The following ZNF175 variants were observed in gnomAD, a reference collection of about 807,000 sequenced individuals.
ZNF175 encodes the protein zinc finger protein OTK18.
ZNF175 carries 8 observed loss-of-function variants against 14.0 expected under a neutral mutation model. The observed-to-expected ratio is 0.57, with a 90% CI of 0.34 to 1.03. The LOEUF (loss-of-function observed/expected upper bound fraction) is 1.03. ZNF175 is among the 50% of genes least tolerant of loss of function. The probability of loss-of-function intolerance (pLI) is 0.03; values close to 1 mark genes in which losing one functional copy is unlikely to be tolerated. For synonymous variants in ZNF175, 255 were observed against 296.8 expected (o/e 0.86, Z 1.45); for missense variants, 764 against 849.5 (o/e 0.90, Z 1.25).
chr19:51,587,273 A>C lies in ZNF175; in HGVS notation c.942A>C (p.Lys314Asn). 6.2e-7 allele frequency: 1 copy of C among 1,614,176 alleles called. No homozygotes were observed. Residue 314 changes from lysine to asparagine, a missense_variant, in exon 5 of 5, where the codon AAA becomes AAC. Lys to Asn is a moderately conservative substitution (Grantham distance 94, BLOSUM62 0). Coordinates refer to ENST00000262259, the MANE Select transcript of ZNF175 (RefSeq NM_007147.4). ...GNLHECGKCG[K>N]AFMPQLKLSV... ...TCCATGAATGTGGCAAATGTGGAAA[A>C]GCCTTCATGCCACAACTAAAACTCA...
intron 4 of ZNF175, among the ~76,000 whole-genome samples, chr19:51,585,644 A>G (rs113646055): frequency 1.3e-5 from 2 of 152,330 alleles, no homozygotes; most frequent in African/African-American, 4.8e-5. Flanking sequence ...AATCTGGTAG[A>G]AAAAGTAATA....
At chr19:51,580,094 G>C (rs1424559519) in intron 2 of ZNF175, among the ~76,000 whole-genome samples, 1 of 151,892 alleles carries the variant, frequency 6.6e-6, no homozygotes, top group African/African-American at 2.4e-5. Context: ...GATTTTATCT[G>C]TCTTTTAAAC....
intron 4 of ZNF175, among the ~76,000 whole-genome samples, chr19:51,582,540 G>T (rs1982042972): frequency 6.6e-6 from 1 of 152,130 alleles, no homozygotes; most frequent in Admixed American, 6.5e-5. Flanking sequence ...CTTGTGATCT[G>T]CCCACCTCGG....
At position 51,588,567 on chromosome 19, in the gene ZNF175, T is replaced by C; in HGVS notation, c.*100T>C. 7.4e-7 allele frequency: 1 copy of C among 1,346,424 alleles called. No individual in the cohort carries two copies. The highest frequency in any genetic ancestry group is 9.8e-7 in the Non-Finnish European group (1 of 1,018,142). 83.4% of individuals were successfully genotyped at this position (1,346,424 alleles called of 1,614,324 possible). On this transcript the variant is annotated 3_prime_UTR_variant, in exon 5 of 5. Coordinates refer to ENST00000262259, the MANE Select transcript of ZNF175 (RefSeq NM_007147.4). The stretch of plus-strand genomic sequence containing the variant: ...TCAGGTCTAATTATATGTTATTGAA[T>C]TCATGCTTCAGAAAAACTCTAGGGA...
At chr19:51,586,168 G>C (rs546794473) in intron 4 of ZNF175, among the ~76,000 whole-genome samples, 3 of 152,310 alleles carry the variant, frequency 2.0e-5, no homozygotes, top group African/African-American at 7.2e-5. Context: ...CCTCCTTCAA[G>C]CCTTGGCTGC....
intron 2 of ZNF175, among the ~76,000 whole-genome samples, chr19:51,580,670 C>G (rs1981965588): frequency 6.6e-6 from 1 of 152,082 alleles, no homozygotes; most frequent in African/African-American, 2.4e-5. Flanking sequence ...AGGCACCAGC[C>G]CACTTCTTTG....
At chr19:51,581,578 C>T (rs953653233) in intron 3 of ZNF175, 61 bp downstream of exon 3, 9 of 1,573,030 alleles carry the variant, frequency 5.7e-6, no homozygotes, top group Middle Eastern at 1.7e-4. Context: ...CCTTCCTCCT[C>T]ATTGCAGAAC....
chr19:51,591,814 TCTGGAGTGCAGTGG>T lies in ZNF175; in HGVS notation c.*3349_*3362del, dbSNP rs1472017545. On this transcript the variant is annotated 3_prime_UTR_variant, in exon 5 of 5. Transcript: ENST00000262259. Reference sequence around the variant, plus strand: ...TGGAGTCTCGCTCTGTCGCCCAGGCTCTGGAGTGCAGTGGCACGATCTCAGCTCACTGCAAGCTC... The same window carrying T: ...TGGAGTCTCGCTCTGTCGCCCAGGCTCACGATCTCAGCTCACTGCAAGCTC... 5.4e-5 allele frequency: 8 copies of T among 147,292 alleles called. No individual in the cohort carries two copies. The highest frequency in any genetic ancestry group is 2.1e-4 in the African/African-American group (8 of 38,898). 9.1% of individuals were successfully genotyped at this position (147,292 alleles called of 1,614,324 possible).
intron 2 of ZNF175, among the ~76,000 whole-genome samples, chr19:51,577,882 C>A (rs978536856): frequency 6.6e-6 from 1 of 151,294 alleles, no homozygotes; most frequent in Admixed American, 6.6e-5. Context: ...CCAGGATGGT[C>A]TCAATCTCCT....
rs1177584959 is a variant in ZNF175 at position 51,581,832 on chromosome 19, A to T, written c.245A>T (p.Glu82Val). ...NPEVIFRMLKEKEPRVEEAEV... is the reference protein window; with the variant it reads ...NPEVIFRMLKVKEPRVEEAEV... ...GAGGTCATCTTCAGAATGCTAAAAG[A>T]AAAGGAGCCGCGTGTGGAGGAGGCT... The change falls in exon 4 of 5, where the codon GAA becomes GTA. Residue 82 changes from glutamate (E) to valine (V), a missense_variant. By Grantham distance (121) the Glu-to-Val change is moderately radical. Coordinates refer to ENST00000262259, the MANE Select transcript of ZNF175 (RefSeq NM_007147.4). 12 of 1,613,994 alleles carry T rather than the reference A, an allele frequency of 7.4e-6. No homozygotes were observed. In the East Asian group the frequency reaches 2.7e-4, roughly 36 times the overall value.
chr19:51,583,746 C>T (rs1202612348), intron 4 of ZNF175, among the ~76,000 whole-genome samples: 1 of 152,192 alleles, frequency 6.6e-6, no homozygotes, highest in East Asian at 1.9e-4. Flanking sequence ...ATATTGTCCT[C>T]ATGGCCACAT....
chr19:51,588,240 C>G lies in ZNF175; in HGVS notation c.1909C>G (p.His637Asp), dbSNP rs1378436321. The change falls in exon 5 of 5, where the codon CAC becomes GAC. Residue 637 changes from histidine to aspartate, a missense_variant. Physicochemically the swap from His to Asp is moderately conservative, Grantham distance 81. Coordinates refer to ENST00000262259, the MANE Select transcript of ZNF175 (RefSeq NM_007147.4). Reference protein sequence around the residue: ...KSELITHQRTHMGEKPYECLD... With the variant: ...KSELITHQRTDMGEKPYECLD... ...AGAGTTGATTACCCATCAAAGAACT[C>G]ACATGGGAGAGAAACCCTATGAATG... is the stretch of plus-strand genomic sequence containing the variant. 6.2e-7 allele frequency: 1 copy of G among 1,613,920 alleles called. No homozygotes were observed. Among genetic ancestry groups the G allele is most frequent in the Non-Finnish European group, 8.5e-7 (1 of 1,179,988 alleles).
chr19:51,580,006 A>G (rs1981943206), intron 2 of ZNF175, among the ~76,000 whole-genome samples: 2 of 152,170 alleles, frequency 1.3e-5, no homozygotes, highest in African/African-American at 2.4e-5. Flanking sequence ...ATGTTTTAAT[A>G]TATGTAATAT....
At chr19:51,586,558 A>G (rs965144759) in intron 4 of ZNF175, 69 bp from the exon 5 acceptor site, 10 of 1,477,478 alleles carry the variant, frequency 6.8e-6, no homozygotes, top group African/African-American at 2.8e-5. Flanking sequence ...TTCTGTGTCA[A>G]TCAGCTTCAT....
intron 2 of ZNF175, among the ~76,000 whole-genome samples, chr19:51,577,871 G>T (rs982572483): frequency 1.3e-5 from 2 of 151,310 alleles, no homozygotes; most frequent in African/African-American, 2.4e-5. Context: ...CACCGTGTTA[G>T]CCAGGATGGT....
chr19:51,581,475 C>G lies in ZNF175; in HGVS notation c.157C>G (p.Arg53Gly). 1 of 1,614,020 alleles carries G rather than the reference C, an allele frequency of 6.2e-7. No individual in the cohort carries two copies. The highest frequency in any genetic ancestry group is 8.5e-7 in the Non-Finnish European group (1 of 1,179,994). The change falls in exon 3 of 5, where the codon CGG becomes GGG. Residue 53 changes from arginine to glycine, a missense_variant. Physicochemically the swap from Arg to Gly is moderately radical, Grantham distance 125. Transcript: ENST00000262259. ...QLDPAQRCLYRDVMLELYSHL... is the reference protein window; with the variant it reads ...QLDPAQRCLYGDVMLELYSHL... The stretch of plus-strand genomic sequence containing the variant: ...GGACCCTGCCCAGAGATGCCTGTAC[C>G]GGGATGTGATGCTGGAGCTCTATAG...
At chr19:51,584,557 C>T (rs1402712072) in intron 4 of ZNF175, among the ~76,000 whole-genome samples, 4 of 152,110 alleles carry the variant, frequency 2.6e-5, no homozygotes, top group Admixed American at 6.5e-5. Flanking sequence ...TGTTTCAGAT[C>T]GCTGCCTGGG....
chr19:51,576,540 A>C (rs922305691), intron 2 of ZNF175, among the ~76,000 whole-genome samples: 3 of 152,196 alleles, frequency 2.0e-5, no homozygotes, highest in Non-Finnish European at 4.4e-5. Flanking sequence ...ACAGAATGAA[A>C]TAAGTGGCTC....
chr19:51,589,884 A>G lies in ZNF175; in HGVS notation c.*1417A>G, dbSNP rs74622204. 4.8e-4 allele frequency: 230 copies of G among 475,272 alleles called. 2 individuals carry two copies. In the East Asian group the frequency reaches 7.6e-3, roughly 16 times the overall value. The allele number at this position is 475,272 out of a possible 1,614,324, so 29.4% of individuals were successfully genotyped here. On this transcript the variant is annotated 3_prime_UTR_variant, in exon 5 of 5. Coordinates refer to ENST00000262259, the MANE Select transcript of ZNF175 (RefSeq NM_007147.4). ...TTTGCCAGCACATGATACACACACA[A>G]ACACACACACATACACACATATTAC...
Sources: allele counts gnomAD v4.1 joint callset (sites outside exome capture counted in the v4.1 genomes callset), GRCh38; gene constraint gnomAD v4.1.1; transcripts MANE v1.5; gene names NCBI Gene and HGNC (gene_info 2026-07-23, HGNC 2026-07-21).